The following IMPG1 variants were observed in gnomAD, a reference collection of about 807,000 sequenced individuals.
The protein encoded by IMPG1 is interphotoreceptor matrix proteoglycan 1.
IMPG1 carries 85 observed loss-of-function variants against 92.0 expected under a neutral mutation model. The observed-to-expected ratio is 0.92, with a 90% confidence interval of 0.78 to 1.11. The LOEUF is 1.11. Among genes scored for constraint, IMPG1 ranks in the 50% least tolerant of loss-of-function variants. The probability of loss-of-function intolerance (pLI) is 0.00; values close to 1 mark genes in which losing one functional copy is unlikely to be tolerated. For synonymous variants in IMPG1, 367 were observed against 334.1 expected, an observed-to-expected ratio of 1.10 and a Z score of -1.08; for missense variants, 1,022 against 956.0, an observed-to-expected ratio of 1.07 and a Z score of -0.91.
chr6:75,944,007 A>G (rs1029596183), intron 14 of IMPG1, among the ~76,000 whole-genome samples: 2 of 152,170 alleles, frequency 1.3e-5, no homozygotes, highest in African/African-American at 4.8e-5. Flanking sequence ...GCAGGGATGG[A>G]TTTTCATGCA....
chr6:75,994,917 G>C (rs1006131597), intron 12 of IMPG1, among the ~76,000 whole-genome samples: 2 of 152,196 alleles, frequency 1.3e-5, no homozygotes, highest in African/African-American at 4.8e-5. Context: ...GCATCTCCTA[G>C]GATGTGCTCA....
intron 9 of IMPG1, among the ~76,000 whole-genome samples, chr6:76,006,628 T>C (rs551148365): frequency 1.3e-5 from 2 of 151,506 alleles, no homozygotes; most frequent in African/African-American, 4.8e-5. Flanking sequence ...TTTTTTAAAA[T>C]AAGTATTTTT....
At chr6:75,928,537 TCTC>T (rs1781602480) in intron 15 of IMPG1, 1 of 152,206 alleles carries the variant, frequency 6.6e-6, no homozygotes. Flanking sequence ...TAGTGAATTC[TCTC>T]AACTGATTGT....
chr6:75,944,894 G>C (rs1181991544), intron 14 of IMPG1, among the ~76,000 whole-genome samples: 8 of 127,834 alleles, frequency 6.3e-5, no homozygotes, highest in Non-Finnish European at 1.7e-5. Flanking sequence ...AGGTTGTCCA[G>C]CAGGCACTGG....
At chr6:75,971,749 C>T (rs1782421919) in intron 12 of IMPG1, among the ~76,000 whole-genome samples, 1 of 152,186 alleles carries the variant, frequency 6.6e-6, no homozygotes, top group Non-Finnish European at 1.5e-5. Context: ...TCTATATTGT[C>T]TTTGCAACCT....
In IMPG1 at chr6:76,025,226, C is replaced by T; in HGVS notation, c.530G>A (p.Gly177Glu). The T allele has an allele frequency of 6.2e-7, 1 of 1,602,800 alleles. No individual in the cohort carries two copies. The highest frequency in any genetic ancestry group is 8.5e-7 in the Non-Finnish European group (1 of 1,170,866). The change falls in exon 5 of 17, where the codon GGA becomes GAA. Residue 177 changes from glycine (G) to glutamate (E), a missense_variant. Around this residue, in one of 3 missense-constraint regions of IMPG1, gnomAD observed 681 missense variants for 583.6 expected, o/e 1.17. Transcript: ENST00000369950. ...AATGACAATGGTTTCACCAGGCTCT[C>T]CCAATGTCTTCTCTGCAGATATTTC... ...KDEISAEKTLGEPGETIVIST... is the reference protein window; with the variant it reads ...KDEISAEKTLEEPGETIVIST...
chr6:75,950,961 T>C lies in IMPG1; in HGVS notation c.1425A>G (p.Leu475=). 1.9e-6 allele frequency: 3 copies of C among 1,614,020 alleles called. No homozygotes were observed. Among genetic ancestry groups the C allele is most frequent in the Non-Finnish European group, 2.5e-6 (3 of 1,179,964 alleles). ...TGGTGGGGATGGTGAGCCCTGGTACTAGCATTGTCTGGTCAGTGGCCATTG... is the reference window on the plus strand; with the variant it reads ...TGGTGGGGATGGTGAGCCCTGGTACCAGCATTGTCTGGTCAGTGGCCATTG... ...TDTMATDQTM[L]VPGLTIPTSD... is the part of the protein sequence containing the mutation. The change falls in exon 13 of 17, where the codon CTA becomes CTG. Residue 475 remains leucine (L), a synonymous_variant. Transcript: ENST00000369950.
intron 4 of IMPG1, among the ~76,000 whole-genome samples, chr6:76,030,846 C>G (rs1174202159): frequency 1.3e-5 from 2 of 152,150 alleles, no homozygotes; most frequent in African/African-American, 2.4e-5. Flanking sequence ...GGGAATGAGA[C>G]AGCCAAGTGG....
At chr6:76,011,109 A>G in intron 8 of IMPG1, 57 bp downstream of exon 8, 2 of 965,666 alleles carry the variant, frequency 2.1e-6, no homozygotes, top group African/African-American at 1.6e-5. Context: ...TTGTTTTTAC[A>G]AAAGGATAGG....
At chr6:75,946,768 T>C (rs1781935126) in intron 14 of IMPG1, among the ~76,000 whole-genome samples, 1 of 152,228 alleles carries the variant, frequency 6.6e-6, no homozygotes, top group Admixed American at 6.5e-5. Context: ...GCAAATTTAT[T>C]TTCTTCTTTT....
intron 2 of IMPG1, among the ~76,000 whole-genome samples, chr6:76,038,973 T>C (rs1783789302): frequency 6.6e-6 from 1 of 152,178 alleles, no homozygotes; most frequent in Admixed American, 6.5e-5. Flanking sequence ...GTGCACACAT[T>C]AGAGGGTGAA....
chr6:75,980,961 T>G (rs1008376726), intron 12 of IMPG1, among the ~76,000 whole-genome samples: 1 of 152,140 alleles, frequency 6.6e-6, no homozygotes, highest in African/African-American at 2.4e-5. Flanking sequence ...CAGAAGTCAG[T>G]GTTTTAAGAA....
At chr6:76,000,073 A>G (rs1156858762) in intron 12 of IMPG1, among the ~76,000 whole-genome samples, 1 of 152,142 alleles carries the variant, frequency 6.6e-6, no homozygotes, top group Non-Finnish European at 1.5e-5. Context: ...CAGCAGATAA[A>G]TTTTTCTCCT....
intron 5 of IMPG1, among the ~76,000 whole-genome samples, chr6:76,024,102 T>G (rs1783481400): frequency 6.6e-6 from 1 of 152,170 alleles, no homozygotes; most frequent in Non-Finnish European, 1.5e-5. Flanking sequence ...ATTTTATAAT[T>G]AAAATTCAAC....
intron 12 of IMPG1, among the ~76,000 whole-genome samples, chr6:75,966,572 A>G (rs1213062340): frequency 1.3e-5 from 2 of 152,182 alleles, no homozygotes; most frequent in African/African-American, 2.4e-5. Context: ...CTCCAGAACT[A>G]TAAGCAATAC....
At chr6:76,001,042 G>C (rs964953471) in intron 12 of IMPG1, among the ~76,000 whole-genome samples, 1 of 152,188 alleles carries the variant, frequency 6.6e-6, no homozygotes, top group Non-Finnish European at 1.5e-5. Context: ...TCTAGCCTTG[G>C]CTTTCTCATT....
intron 12 of IMPG1, among the ~76,000 whole-genome samples, chr6:75,962,234 C>T (rs1163318982): frequency 6.6e-6 from 1 of 152,082 alleles, no homozygotes; most frequent in Non-Finnish European, 1.5e-5. Flanking sequence ...CTCCTTCCTC[C>T]TCATTCTCTT....
chr6:76,043,269 G>T (rs78099984), intron 1 of IMPG1, among the ~76,000 whole-genome samples: 1 of 151,768 alleles, frequency 6.6e-6, no homozygotes, highest in Non-Finnish European at 1.5e-5. Context: ...TCCAAACATG[G>T]GGCTTATAGA....
chr6:76,018,718 C>T lies in IMPG1; in HGVS notation c.807G>A (p.Gln269=), dbSNP rs757674276. The T allele has an allele frequency of 6.2e-7, 1 of 1,612,920 alleles. No homozygotes were observed. The highest frequency in any genetic ancestry group is 8.5e-7 in the Non-Finnish European group (1 of 1,179,460). ...YQELAGKSQL[Q]MQKIFKKLPG... is the part of the protein sequence containing the mutation. ...GGTTGTATGGGCCGGGTCTACTCAC[C>T]TGAAGTTGGGACTTTCCTGCTAGCT... The change falls in exon 7 of 17, where the codon CAG becomes CAA. Residue 269 remains glutamine (Q), a splice_region_variant and synonymous_variant. Coordinates refer to ENST00000369950, the MANE Select transcript of IMPG1 (RefSeq NM_001563.4).
Sources: allele counts gnomAD v4.1 joint callset (sites outside exome capture counted in the v4.1 genomes callset), GRCh38; gene constraint gnomAD v4.1.1; regional missense constraint gnomAD v4.1.1; transcripts MANE v1.5; gene names NCBI Gene and HGNC (gene_info 2026-07-23, HGNC 2026-07-21).